NRG2: variants seen among roughly 807,000 people sequenced by gnomAD.
NRG2 encodes the protein neuregulin 2.
In NRG2, 27 loss-of-function variants were observed where a neutral mutation model predicts 73.9. The ratio of observed to expected loss-of-function variants is 0.37; its 90% confidence interval spans 0.27 to 0.50. NRG2 has a LOEUF of 0.50. Among genes scored for constraint, NRG2 ranks in the 20% least tolerant of loss-of-function variants. NRG2 has a pLI of 0.96. For missense variants in NRG2, 1,126 were observed against 1,210.1 expected (o/e 0.93, Z 1.03); for synonymous variants, 532 against 541.0 (o/e 0.98, Z 0.23).
At chr5:139,899,605 G>A (rs1764749943) in intron 1 of NRG2, among the ~76,000 whole-genome samples, 1 of 152,220 alleles carries the variant, frequency 6.6e-6, no homozygotes, top group Admixed American at 6.5e-5. Flanking sequence ...CTCTGTCAGT[G>A]TTCATGGCTC....
chr5:139,925,463 C>T (rs935974162), intron 1 of NRG2, among the ~76,000 whole-genome samples: 18 of 152,186 alleles, frequency 1.2e-4, no homozygotes, highest in Non-Finnish European at 2.6e-4. Context: ...TCCCAGATCT[C>T]GAGGGCTGGT....
chr5:140,023,345 C>T (rs1760391451), intron 1 of NRG2, among the ~76,000 whole-genome samples: 1 of 152,134 alleles, frequency 6.6e-6, no homozygotes, highest in Admixed American at 6.5e-5. Context: ...CTGACATTGT[C>T]CTTTTGGCCT....
chr5:139,861,758 C>T, intron 5 of NRG2: 1 of 516,860 alleles, frequency 1.9e-6, no homozygotes, highest in South Asian at 1.4e-5. Flanking sequence ...CTTGACAATT[C>T]TCAAAGAACC....
intron 3 of NRG2, among the ~76,000 whole-genome samples, chr5:139,873,486 G>A (rs1762988713): frequency 1.3e-5 from 2 of 152,278 alleles, no homozygotes; most frequent in Non-Finnish European, 1.5e-5. Flanking sequence ...GGAGAGTGGA[G>A]AGAGAGAAGG....
rs1398217382 is a variant in NRG2, at chr5:139,869,847, G to A, written c.1112+1874C>T. On this transcript the variant is annotated intron_variant, in intron 4 of 9. Transcript: ENST00000361474. This position sits in a 1 kb window ranked among gnomAD's most constrained non-coding sequence, Gnocchi z 4.5. ...ACCTTGCTGGCAGGGCCCTCCTGGAGCCCACATATCTCACCACTCCCTTGC... is the reference window on the plus strand; with the variant it reads ...ACCTTGCTGGCAGGGCCCTCCTGGAACCCACATATCTCACCACTCCCTTGC... 6.6e-6 allele frequency: 1 copy of A among 152,506 alleles called. No homozygotes were observed. The highest frequency in any genetic ancestry group is 2.4e-5 in the African/African-American group (1 of 41,456). 9.4% of individuals were successfully genotyped at this position (152,506 alleles called of 1,614,324 possible).
chr5:139,895,679 C>T (rs1764504170), intron 1 of NRG2, among the ~76,000 whole-genome samples: 1 of 152,238 alleles, frequency 6.6e-6, no homozygotes, highest in African/African-American at 2.4e-5. Flanking sequence ...ATAAACCACA[C>T]TCTGTCTATT....
At chr5:139,997,498 T>C (rs1758110737) in intron 1 of NRG2, among the ~76,000 whole-genome samples, 1 of 152,250 alleles carries the variant, frequency 6.6e-6, no homozygotes, top group Non-Finnish European at 1.5e-5. Context: ...GTACTTTACA[T>C]GCTCTTTAGT....
At chr5:139,860,342 G>A (rs976441746) in intron 5 of NRG2, among the ~76,000 whole-genome samples, 3 of 152,054 alleles carry the variant, frequency 2.0e-5, no homozygotes, top group Non-Finnish European at 2.9e-5. Context: ...CCTGCAGACA[G>A]CTTGCCCAGC....
chr5:139,907,935 A>T (rs1007404854), intron 1 of NRG2, among the ~76,000 whole-genome samples: 2 of 152,290 alleles, frequency 1.3e-5, no homozygotes, highest in Non-Finnish European at 2.9e-5. Flanking sequence ...TATCTGCCTC[A>T]GCCTAGTGCT....
intron 1 of NRG2, among the ~76,000 whole-genome samples, chr5:140,003,001 A>G (rs1335202992): frequency 1.3e-5 from 2 of 152,170 alleles, no homozygotes; most frequent in Admixed American, 1.3e-4. Context: ...TGGTCTTAAC[A>G]TTTTTTGAAC....
At chr5:139,943,170 G>C (rs187748876) in intron 1 of NRG2, among the ~76,000 whole-genome samples, 1 of 151,702 alleles carries the variant, frequency 6.6e-6, no homozygotes, top group East Asian at 1.9e-4. Context: ...CTTTTGAGAC[G>C]GAGTCTTGCT....
At chr5:139,862,545 A>G (rs889821295) in intron 5 of NRG2, among the ~76,000 whole-genome samples, 2 of 152,262 alleles carry the variant, frequency 1.3e-5, no homozygotes, top group Non-Finnish European at 2.9e-5. Flanking sequence ...TGGACTCCCA[A>G]CAGGGCTGTG....
In NRG2 at chr5:139,915,230, A is replaced by C. The variant is rs1439619478; in HGVS notation, c.701-27719T>G. On this transcript the variant is annotated intron_variant, in intron 1 of 9. Transcript: ENST00000361474. This position sits in a 1 kb window ranked among gnomAD's most constrained non-coding sequence, Gnocchi z 4.0. ...ATCATTATCTGACAATCATAATTTT[A>C]TTTTTAAGAGCTTATTACCAAATAG... Among the ~76,000 whole-genome samples, 2 of 152,210 alleles carry C rather than the reference A, an allele frequency of 1.3e-5. No individual in the cohort carries two copies. The highest frequency in any genetic ancestry group is 2.9e-5 in the Non-Finnish European group (2 of 68,030).
intron 1 of NRG2, among the ~76,000 whole-genome samples, chr5:139,963,665 C>A (rs1755251705): frequency 6.6e-6 from 1 of 152,208 alleles, no homozygotes; most frequent in Non-Finnish European, 1.5e-5. Flanking sequence ...GAAACTGAGA[C>A]TTGGAGAGGT....
chr5:139,964,746 T>A (rs960361773), intron 1 of NRG2, among the ~76,000 whole-genome samples: 3 of 152,150 alleles, frequency 2.0e-5, no homozygotes. Context: ...ACCCCTGAAG[T>A]TACTGAATTG....
intron 1 of NRG2, among the ~76,000 whole-genome samples, chr5:139,899,729 C>A (rs983833047): frequency 6.6e-6 from 1 of 152,224 alleles, no homozygotes; most frequent in African/African-American, 2.4e-5. Context: ...AAGTAGATAT[C>A]TGACCAGTTG....
chr5:139,914,238 C>T (rs758052687), intron 1 of NRG2, among the ~76,000 whole-genome samples: 40 of 152,142 alleles, frequency 2.6e-4, no homozygotes, highest in Non-Finnish European at 5.0e-4. Flanking sequence ...TTCCAATTAG[C>T]AGAAAGGTCT....
rs771652515 is a variant in NRG2 at position 139,848,593 on chromosome 5, G to T, written c.1877C>A (p.Ala626Glu). 1.3e-6 allele frequency: 2 copies of T among 1,568,338 alleles called. No individual in the cohort carries two copies. Among genetic ancestry groups the T allele is most frequent in the Non-Finnish European group, 8.6e-7 (1 of 1,167,582 alleles). The change falls in exon 10 of 10, where the codon GCG becomes GAG. Residue 626 changes from alanine to glutamate, a missense_variant. Around this residue, in one of 3 missense-constraint regions of NRG2, gnomAD observed 402 missense variants for 357.8 expected, o/e 1.12. Coordinates refer to ENST00000361474, the MANE Select transcript of NRG2 (RefSeq NM_004883.3). ...PTFEITSPNSAHAVSLPPAAP... is the reference protein window; with the variant it reads ...PTFEITSPNSEHAVSLPPAAP... ...CGCCGGCGGCAGCGACACGGCGTGC[G>T]CCGAGTTGGGGGACGTGATCTCGAA...
intron 1 of NRG2, among the ~76,000 whole-genome samples, chr5:139,972,593 G>T (rs264338): frequency 2.0e-5 from 3 of 151,926 alleles, no homozygotes; most frequent in Non-Finnish European, 4.4e-5. Flanking sequence ...GGTATGTGGC[G>T]TACGCCTGTA....
Sources: allele counts gnomAD v4.1 joint callset (sites outside exome capture counted in the v4.1 genomes callset), GRCh38; gene constraint gnomAD v4.1.1; regional missense constraint gnomAD v4.1.1; non-coding constraint Gnocchi (gnomAD v3.1); transcripts MANE v1.5; gene names NCBI Gene and HGNC (gene_info 2026-07-23, HGNC 2026-07-21).